AK4: variants seen among roughly 807,000 people sequenced by gnomAD.
AK4 encodes adenylate kinase 4.
A neutral mutation model predicts 24.6 loss-of-function variants in AK4; 13 were observed. The observed-to-expected ratio is 0.53, with a 90% CI of 0.34 to 0.84. The LOEUF (loss-of-function observed/expected upper bound fraction) is 0.84. AK4 is among the 40% of genes least tolerant of loss of function. The pLI is 0.01. For missense variants in AK4, 192 were observed against 288.2 expected (o/e 0.67, Z 2.42); for synonymous variants, 88 against 107.0 (o/e 0.82, Z 1.10).
chr1:65,170,351 G>T (rs1160857386), intron 1 of AK4, among the ~76,000 whole-genome samples: 2 of 152,094 alleles, frequency 1.3e-5, no homozygotes, highest in Non-Finnish European at 2.9e-5. Context: ...CTGGGTGACA[G>T]AGCGAGACTC....
intron 1 of AK4, among the ~76,000 whole-genome samples, chr1:65,190,150 C>G (rs1651244200): frequency 6.6e-6 from 1 of 152,168 alleles, no homozygotes; most frequent in Non-Finnish European, 1.5e-5. Flanking sequence ...TTCTCTTTAT[C>G]AGCTTTTTTA....
intron 2 of AK4, among the ~76,000 whole-genome samples, chr1:65,210,576 A>G (rs149380762): frequency 8.0e-4 from 122 of 152,236 alleles, no homozygotes; most frequent in African/African-American, 2.9e-3. Context: ...CTTTTCTGTT[A>G]CCGAGGACTT....
chr1:65,190,969 A>G (rs1651287115), intron 2 of AK4, 140 bp downstream of exon 2: 2 of 1,113,420 alleles, frequency 1.8e-6, no homozygotes, highest in East Asian at 2.8e-5. Context: ...ATTTGGCAAC[A>G]TGATAGGAAC....
At chr1:65,153,553 G>C (rs548226802) in intron 1 of AK4, among the ~76,000 whole-genome samples, 24 of 152,252 alleles carry the variant, frequency 1.6e-4, no homozygotes, top group African/African-American at 5.8e-4. Flanking sequence ...TTACAGGTGT[G>C]AGTCACCATG....
At chr1:65,180,283 A>G (rs1164275341) in intron 1 of AK4, among the ~76,000 whole-genome samples, 1 of 152,104 alleles carries the variant, frequency 6.6e-6, no homozygotes, top group African/African-American at 2.4e-5. Flanking sequence ...CCCCGTGTCT[A>G]CTAAAAATGC....
At chr1:65,152,330 CTCTCTCT>C (rs1557434257) in intron 1 of AK4, among the ~76,000 whole-genome samples, 9 of 37,304 alleles carry the variant, frequency 2.4e-4, no homozygotes, top group African/African-American at 9.0e-4. Context: ...CTCTCTCTCT[CTCTCTCT>C]CTCTCTCTCT....
chr1:65,207,554 T>G (rs1651848858), intron 2 of AK4, among the ~76,000 whole-genome samples: 1 of 145,900 alleles, frequency 6.9e-6, no homozygotes, highest in Non-Finnish European at 1.5e-5. Flanking sequence ...CAGCTGCTGT[T>G]TTTTTTTTTT....
chr1:65,190,814 C>T lies in AK4; in HGVS notation c.250C>T (p.His84Tyr), dbSNP rs1213126374. ...MSELENRRGQ[H>Y]WLLDGFPRTL... is the part of the protein sequence containing the mutation. ...CGAGTTGGAGAACAGGCGTGGCCAG[C>T]ACTGGCTCCTTGATGGTGAGTTGAA... The change falls in exon 2 of 5, where the codon CAC (histidine) becomes TAC (tyrosine). Residue 84 changes from histidine to tyrosine, a missense_variant. By Grantham distance (83) the His-to-Tyr change is moderately conservative. Coordinates refer to ENST00000327299, the MANE Select transcript of AK4 (RefSeq NM_013410.4). The T allele has an allele frequency of 5.0e-6, 8 of 1,613,756 alleles. No individual in the cohort carries two copies. Among genetic ancestry groups the T allele is most frequent in the Non-Finnish European group, 6.8e-6 (8 of 1,179,852 alleles).
chr1:65,151,080 A>G (rs1276984786), intron 1 of AK4, among the ~76,000 whole-genome samples: 4 of 152,008 alleles, frequency 2.6e-5, no homozygotes, highest in Non-Finnish European at 4.4e-5. Context: ...CAGCCTCCCA[A>G]GTAGCTGGGA....
At chr1:65,160,518 TCTC>T (rs1241593864) in intron 1 of AK4, among the ~76,000 whole-genome samples, 1 of 152,048 alleles carries the variant, frequency 6.6e-6, no homozygotes, top group Non-Finnish European at 1.5e-5. Context: ...CTCAAGCAGT[TCTC>T]CTGCCTCAGA....
chr1:65,159,019 A>T (rs993607485), intron 1 of AK4, among the ~76,000 whole-genome samples: 4 of 152,186 alleles, frequency 2.6e-5, no homozygotes, highest in Admixed American at 6.5e-5. Flanking sequence ...GAGTTTTTGT[A>T]CTAGTTAAAC....
chr1:65,147,565 T>C (rs1649601425), upstream of AK4: 1 of 148,646 alleles, frequency 6.7e-6, no homozygotes, highest in African/African-American at 2.5e-5. Flanking sequence ...AAGGCGCGAG[T>C]CCCGCGCGGC....
intron 2 of AK4, among the ~76,000 whole-genome samples, chr1:65,205,175 G>A (rs1281800855): frequency 6.6e-6 from 1 of 152,050 alleles, no homozygotes. Context: ...AGTTGTTCTT[G>A]TGTCTTTCAA....
chr1:65,224,936 A>G, intron 4 of AK4, 66 bp downstream of exon 4: 2 of 1,257,802 alleles, frequency 1.6e-6, no homozygotes, highest in Non-Finnish European at 2.3e-6. Context: ...TGCTGGGAGG[A>G]ACACGGGGCT....
In AK4 at chr1:65,229,970, G is replaced by A. The variant is rs1180549774; in HGVS notation, c.*3793G>A. On this transcript the variant is annotated 3_prime_UTR_variant, in exon 5 of 5. Coordinates refer to ENST00000327299, the MANE Select transcript of AK4 (RefSeq NM_013410.4). ...TGCTGGTAGGTAAACAAGCAATGAT[G>A]AAGCATTGAACACAGGTTAACTCCT... 1 of 152,252 alleles carries A rather than the reference G, an allele frequency of 6.6e-6. No homozygotes were observed. Among genetic ancestry groups the A allele is most frequent in the Non-Finnish European group, 1.5e-5 (1 of 68,070 alleles). The allele number at this position is 152,252 out of a possible 1,614,324, so 9.4% of individuals were successfully genotyped here.
chr1:65,197,984 A>G (rs1380460512), intron 2 of AK4, among the ~76,000 whole-genome samples: 3 of 152,200 alleles, frequency 2.0e-5, no homozygotes, highest in Admixed American at 6.5e-5. Context: ...AATAAAGTGT[A>G]TAATAGATTT....
intron 1 of AK4, among the ~76,000 whole-genome samples, chr1:65,172,103 A>ATATATATATATATATATATATT (rs1553122938): frequency 2.8e-4 from 32 of 115,502 alleles, no homozygotes; most frequent in East Asian, 1.2e-3. Context: ...ATATATATAT[A>ATATATATATATATATATATATT]TTTAAACTCA....
chr1:65,206,415 G>A (rs1437253714), intron 2 of AK4, among the ~76,000 whole-genome samples: 1 of 152,182 alleles, frequency 6.6e-6, no homozygotes, highest in African/African-American at 2.4e-5. Context: ...CAGTGGGACC[G>A]GTTTTCCCCT....
intron 1 of AK4, among the ~76,000 whole-genome samples, chr1:65,167,420 T>C (rs1650367120): frequency 6.6e-6 from 1 of 152,040 alleles, no homozygotes; most frequent in Non-Finnish European, 1.5e-5. Flanking sequence ...CTATAAATAC[T>C]GTCTCAGGAC....
Sources: allele counts gnomAD v4.1 joint callset (sites outside exome capture counted in the v4.1 genomes callset), GRCh38; gene constraint gnomAD v4.1.1; transcripts MANE v1.5; gene names NCBI Gene and HGNC (gene_info 2026-07-23, HGNC 2026-07-21).